Variants in IL3RA observed in about 807,000 individuals in gnomAD.
IL3RA encodes interleukin 3 receptor subunit alpha.
In IL3RA, 73 loss-of-function variants were observed where a neutral mutation model predicts 52.3. The observed-to-expected ratio is 1.40, with a 90% CI of 1.16 to 1.70. IL3RA has a LOEUF of 1.70. IL3RA is among the 40% of genes most tolerant of loss of function. IL3RA has a pLI of 0.00. For synonymous variants in IL3RA, 260 were observed against 194.0 expected (o/e 1.34, Z -2.83); for missense variants, 664 against 504.4 (o/e 1.32, Z -3.03).
intron 9 of IL3RA, among the ~76,000 whole-genome samples, chrX:1,367,818 G>A (rs182435920): frequency 0.02 from 2,891 of 147,002 alleles, 77 homozygotes; most frequent in East Asian, 0.14. Context: ...CGGGGTGCGC[G>A]GGGTGAGCGG....
chrX:1,345,384 AG>A lies in IL3RA; in HGVS notation c.134del (p.Arg45LysfsTer3), dbSNP rs776011726. On this transcript the variant is annotated frameshift_variant, in exon 3 of 12. Coordinates refer to ENST00000331035, the MANE Select transcript of IL3RA (RefSeq NM_002183.4). LOFTEE classifies it high-confidence loss of function. ...KAQQLTWDLN[R>X]NVTDIECVKD... is the part of the protein sequence containing the mutation. The stretch of plus-strand genomic sequence containing the variant: ...TCAGCAGTTGACCTGGGACCTTAAC[AG>A]AAATGTGACCGATATCGAGTGTGTT... The A allele has an allele frequency of 5.0e-6, 8 of 1,611,200 alleles. No homozygotes were observed. In the South Asian group the frequency reaches 8.8e-5, roughly 18 times the overall value.
chrX:1,344,326 C>T (rs2085631849), intron 2 of IL3RA, among the ~76,000 whole-genome samples: 1 of 151,522 alleles, frequency 6.6e-6, no homozygotes, highest in African/African-American at 2.4e-5. Flanking sequence ...CCCAGCTGCA[C>T]AGCAGGCTGA....
intron 1 of IL3RA, 24 bp from the exon 2 acceptor site, chrX:1,341,704 G>A: frequency 6.3e-7 from 1 of 1,596,598 alleles, no homozygotes. Context: ...AGTCCCCGCT[G>A]CCTGACTCTC....
chrX:1,362,852 T>C (rs1271536089), intron 8 of IL3RA, among the ~76,000 whole-genome samples: 11 of 152,094 alleles, frequency 7.2e-5, no homozygotes, highest in African/African-American at 2.7e-4. Context: ...CTCAGCTCAC[T>C]GCAACCTCCG....
At chrX:1,350,872 G>C (rs1313462635) in intron 4 of IL3RA, among the ~76,000 whole-genome samples, 2 of 104,382 alleles carry the variant, frequency 1.9e-5, no homozygotes, top group African/African-American at 3.8e-5. Flanking sequence ...TGGGCAACAA[G>C]AGTGAAACTC....
chrX:1,363,024 C>T (rs1603447374), intron 8 of IL3RA, among the ~76,000 whole-genome samples: 1 of 152,116 alleles, frequency 6.6e-6, no homozygotes, highest in African/African-American at 2.4e-5. Context: ...GATCTACCCA[C>T]CTCAGCCTCC....
At chrX:1,348,825 TCTC>T (rs2085941330) in intron 4 of IL3RA, among the ~76,000 whole-genome samples, 1 of 122,688 alleles carries the variant, frequency 8.2e-6, no homozygotes, top group Non-Finnish European at 1.7e-5. Flanking sequence ...TCCCTCCTTC[TCTC>T]CTTTTCCTCC....
rs866814887 is a variant in IL3RA at position 1,378,603 on chromosome X, C to T, written c.875-56C>T. The T allele has an allele frequency of 2.0e-4, 294 of 1,460,212 alleles. 1 individual carries two copies. In the Middle Eastern group the frequency reaches 3.0e-3, roughly 15 times the overall value. The allele number at this position is 1,460,212 out of a possible 1,614,324, so 90.5% of individuals were successfully genotyped here. A position where few individuals can be genotyped will look rare whatever the true frequency, so the allele number is the denominator to read the frequency against. On this transcript the variant is annotated intron_variant, in intron 9 of 11. Coordinates refer to ENST00000331035, the MANE Select transcript of IL3RA (RefSeq NM_002183.4). Reference sequence around the variant, plus strand: ...CAGGGCCCCGGGGAGAGCTTACAGTCCCTGGTCCCCCCAGGACGGCCCCCG... The same window carrying T: ...CAGGGCCCCGGGGAGAGCTTACAGTTCCTGGTCCCCCCAGGACGGCCCCCG...
At chrX:1,362,106 C>T (rs1202700336) in intron 8 of IL3RA, among the ~76,000 whole-genome samples, 27 of 150,544 alleles carry the variant, frequency 1.8e-4, no homozygotes, top group Admixed American at 1.7e-3. Flanking sequence ...GTCCATCACC[C>T]ACTCTGTCTC....
At chrX:1,377,339 C>T (rs1364408642) in intron 9 of IL3RA, among the ~76,000 whole-genome samples, 1 of 152,056 alleles carries the variant, frequency 6.6e-6, no homozygotes, top group Non-Finnish European at 1.5e-5. Flanking sequence ...CTCGCAGGTT[C>T]AGGCCATTCT....
Position 1,362,501 on chromosome X carries a change from T to A in IL3RA, c.760-2637T>A, listed in dbSNP as rs764784283. On this transcript the variant is annotated intron_variant, in intron 8 of 11. Transcript: ENST00000331035. Reference sequence around the variant, plus strand: ...CTCTGTCCATCACCCACTATCTCTGTCTATGTCTGTTTTTCTGTCTCTGTT... The same window carrying A: ...CTCTGTCCATCACCCACTATCTCTGACTATGTCTGTTTTTCTGTCTCTGTT... Among the ~76,000 whole-genome samples, 11 of 149,572 alleles carry A rather than the reference T, an allele frequency of 7.4e-5. 1 individual carries two copies. In the South Asian group the frequency reaches 1.0e-3, roughly 14 times the overall value.
chrX:1,360,207 C>T (rs2087117234), intron 8 of IL3RA, among the ~76,000 whole-genome samples: 1 of 137,256 alleles, frequency 7.3e-6, no homozygotes, highest in South Asian at 2.4e-4. Context: ...CTATTTCCTC[C>T]CTCCCCATCT....
At chrX:1,378,808 T>G in intron 10 of IL3RA, 44 bp downstream of exon 10, 1 of 1,523,754 alleles carries the variant, frequency 6.6e-7, no homozygotes. Context: ...GTTTCCAGTG[T>G]GACCCTGAAA....
rs745779176 is a variant in IL3RA, at chrX:1,348,516, T to G, written c.269T>G (p.Phe90Cys). 9 of 1,613,668 alleles carry G rather than the reference T, an allele frequency of 5.6e-6. No individual in the cohort carries two copies. The highest frequency in any genetic ancestry group is 7.6e-6 in the Non-Finnish European group (9 of 1,179,732). The change falls in exon 4 of 12, where the codon TTC (phenylalanine) becomes TGC (cysteine). Residue 90 changes from phenylalanine to cysteine, a missense_variant. Physicochemically the swap from Phe to Cys is radical, Grantham distance 205. Coordinates refer to ENST00000331035, the MANE Select transcript of IL3RA (RefSeq NM_002183.4). ...NYTVRVANPPFSTWILFPENS... is the reference protein window; with the variant it reads ...NYTVRVANPPCSTWILFPENS... ...ACCGTCCGAGTGGCCAACCCACCAT[T>G]CTCCACGTGGATCCTCTTCCCTGAG...
intron 4 of IL3RA, 111 bp downstream of exon 4, chrX:1,348,656 T>TTCTTTC: frequency 2.4e-6 from 1 of 414,390 alleles, no homozygotes; most frequent in Non-Finnish European, 4.1e-6. Flanking sequence ...CTTTCTTTCT[T>TTCTTTC]TCTTTCTTTC....
intron 6 of IL3RA, among the ~76,000 whole-genome samples, chrX:1,355,798 G>A (rs2086661931): frequency 6.6e-6 from 1 of 152,008 alleles, no homozygotes; most frequent in African/African-American, 2.4e-5. Context: ...GGTGGGCAGA[G>A]GGGGCATGGG....
chrX:1,358,770 GT>G, intron 7 of IL3RA, 90 bp from the exon 8 acceptor site: 1 of 1,458,236 alleles, frequency 6.9e-7, no homozygotes, highest in Non-Finnish European at 9.6e-7. Flanking sequence ...TGTTTTGCTG[GT>G]TTTCCTGGAG....
intron 8 of IL3RA, among the ~76,000 whole-genome samples, chrX:1,359,479 T>C (rs2086997192): frequency 2.7e-5 from 4 of 149,226 alleles, no homozygotes; most frequent in South Asian, 2.2e-4. Context: ...CTCCCTCTCT[T>C]TCTCTCTCTC....
chrX:1,354,046 CCATGGGTCCCACCATGGGT>C (rs1423323188), intron 6 of IL3RA, among the ~76,000 whole-genome samples: 1 of 134,564 alleles, frequency 7.4e-6, no homozygotes, highest in Non-Finnish European at 1.6e-5. Context: ...TCATCATGGG[CCATGGGTCCCACCATGGGT>C]CATGGGAGCC....
Sources: allele counts gnomAD v4.1 joint callset (sites outside exome capture counted in the v4.1 genomes callset), GRCh38; gene constraint gnomAD v4.1.1; transcripts MANE v1.5; gene names NCBI Gene and HGNC (gene_info 2026-07-23, HGNC 2026-07-21).